ZNF695: variants seen among roughly 807,000 people sequenced by gnomAD.
The protein encoded by ZNF695 is zinc finger protein SBZF3.
A neutral mutation model predicts 11.2 loss-of-function variants in ZNF695; 11 were observed. The observed-to-expected ratio is 0.98, with a 90% CI of 0.62 to 1.62. The LOEUF is 1.62. ZNF695 is among the 40% of genes most tolerant of loss of function. The pLI is 0.00. For missense variants in ZNF695, 559 were observed against 590.5 expected, an observed-to-expected ratio of 0.95 and a Z score of 0.55; for synonymous variants, 190 against 201.4, an observed-to-expected ratio of 0.94 and a Z score of 0.48.
intron 5 of ZNF695, among the ~76,000 whole-genome samples, chr1:246,961,195 T>C (rs1423519905): frequency 6.6e-6 from 1 of 152,076 alleles, no homozygotes. Flanking sequence ...GCATCATCAG[T>C]TCAAAAATTA....
chr1:246,976,023 A>G (rs543904890), intron 4 of ZNF695, among the ~76,000 whole-genome samples: 7 of 152,350 alleles, frequency 4.6e-5, no homozygotes, highest in Admixed American at 2.0e-4. Context: ...CTTCCCAAGC[A>G]TAAGATGAAC....
At position 246,987,851 on chromosome 1, in the gene ZNF695, T is replaced by C. The variant is rs1311741384; in HGVS notation, c.664A>G (p.Asn222Asp). Residue 222 changes from asparagine (N) to aspartate (D), a missense_variant, in exon 4 of 4, where the codon AAT becomes GAT. Coordinates refer to ENST00000339986, the MANE Select transcript of ZNF695 (RefSeq NM_020394.5). ...YQCKKCGKAFNECSCFTDCKR... is the reference protein window; with the variant it reads ...YQCKKCGKAFDECSCFTDCKR... ...CAGTCAGTAAAGCATGAGCACTCAT[T>C]AAAGGCTTTGCCACATTTTTTACAT... 6.2e-7 allele frequency: 1 copy of C among 1,610,490 alleles called. No homozygotes were observed. Among genetic ancestry groups the C allele is most frequent in the East Asian group, 2.2e-5 (1 of 44,860 alleles).
chr1:246,979,067 G>C (rs1376887106), intron 4 of ZNF695, among the ~76,000 whole-genome samples: 1 of 152,150 alleles, frequency 6.6e-6, no homozygotes, highest in Non-Finnish European at 1.5e-5. Context: ...CAACAGTCAG[G>C]TACATATCCA....
rs565229384 is a variant in ZNF695, at chr1:246,986,845, G to A, written c.*122C>T. Reference sequence around the variant, plus strand: ...TAGTGCACTCAAAGGCTCATAGACTGTAAATGGCCTTTTGACAGTCATTAC... The same window carrying A: ...TAGTGCACTCAAAGGCTCATAGACTATAAATGGCCTTTTGACAGTCATTAC... On this transcript the variant is annotated 3_prime_UTR_variant, in exon 4 of 4. Coordinates refer to ENST00000339986, the MANE Select transcript of ZNF695 (RefSeq NM_020394.5). 2.4e-5 allele frequency: 34 copies of A among 1,444,518 alleles called. No homozygotes were observed. The highest frequency in any genetic ancestry group is 2.0e-4 in the South Asian group (13 of 64,214). The allele number at this position is 1,444,518 out of a possible 1,614,324, so 89.5% of individuals were successfully genotyped here.
intron 1 of ZNF695, among the ~76,000 whole-genome samples, chr1:247,005,676 A>C (rs1237644298): frequency 1.3e-5 from 2 of 152,068 alleles, no homozygotes; most frequent in Non-Finnish European, 2.9e-5. Flanking sequence ...AAACAAAACA[A>C]AACAAAACAA....
chr1:246,974,952 G>A (rs1436755399), intron 4 of ZNF695, among the ~76,000 whole-genome samples: 1 of 152,096 alleles, frequency 6.6e-6, no homozygotes, highest in Non-Finnish European at 1.5e-5. Flanking sequence ...TCTTTGTATG[G>A]CTGACTCCTT....
At chr1:247,003,245 A>G (rs1233686838) in intron 1 of ZNF695, among the ~76,000 whole-genome samples, 1 of 152,230 alleles carries the variant, frequency 6.6e-6, no homozygotes, top group Non-Finnish European at 1.5e-5. Flanking sequence ...AATAAATAAA[A>G]TGACATACAT....
chr1:246,975,058 T>C (rs773275428), intron 4 of ZNF695, among the ~76,000 whole-genome samples: 1 of 152,238 alleles, frequency 6.6e-6, no homozygotes, highest in Non-Finnish European at 1.5e-5. Flanking sequence ...TTTTATTTAC[T>C]TCATTCCATT....
intron 5 of ZNF695, among the ~76,000 whole-genome samples, chr1:246,959,143 C>T (rs1668083646): frequency 1.3e-5 from 2 of 149,766 alleles, no homozygotes; most frequent in Admixed American, 6.7e-5. Context: ...AAAAATTAGC[C>T]GGGCATGTAC....
At chr1:246,953,565 C>T (rs570707140) in intron 5 of ZNF695, among the ~76,000 whole-genome samples, 11 of 151,260 alleles carry the variant, frequency 7.3e-5, no homozygotes, top group Non-Finnish European at 1.5e-4. Flanking sequence ...GAGCCAAGAT[C>T]GCACCACTGC....
intron 1 of ZNF695, among the ~76,000 whole-genome samples, chr1:247,003,089 C>A (rs67880452): frequency 1.3e-5 from 2 of 152,060 alleles, no homozygotes; most frequent in Non-Finnish European, 2.9e-5. Context: ...GGCTGCCATT[C>A]GACCCAGCAA....
exon 5 of ZNF695, chr1:246,967,733 C>G (rs1304126872): frequency 1.8e-5 from 7 of 397,334 alleles, no homozygotes; most frequent in Admixed American, 3.1e-5. Context: ...TCTGGGGAGG[C>G]CTCAGGAAAC....
chr1:246,977,053 C>T (rs933707230), intron 4 of ZNF695, among the ~76,000 whole-genome samples: 1 of 152,178 alleles, frequency 6.6e-6, no homozygotes, highest in African/African-American at 2.4e-5. Context: ...TATTTTCTAT[C>T]ATTCCCAGTT....
In ZNF695 at chr1:246,988,145, A is replaced by C. The variant is rs375360603; in HGVS notation, c.370T>G (p.Leu124Val). ...CCCACAATTTCCCAGTCATTCCTTA[A>C]GCGTAATTTCTCAAGACAACATCTT... Reference protein sequence around the residue: ...YERCCLEKLRLRNDWEIVGEW... With the variant: ...YERCCLEKLRVRNDWEIVGEW... Residue 124 changes from leucine to valine, a missense_variant, in exon 4 of 4, where the codon TTA becomes GTA. Physicochemically the swap from Leu to Val is conservative, Grantham distance 32. Transcript: ENST00000339986. 1 of 1,613,826 alleles carries C rather than the reference A, an allele frequency of 6.2e-7. No individual in the cohort carries two copies. Among genetic ancestry groups the C allele is most frequent in the South Asian group, 1.1e-5 (1 of 91,032 alleles).
chr1:246,972,227 G>C (rs1277569924), intron 4 of ZNF695, among the ~76,000 whole-genome samples: 2 of 152,284 alleles, frequency 1.3e-5, no homozygotes, highest in East Asian at 3.9e-4. Context: ...AGGTCACCTG[G>C]TTACCAGAAA....
chr1:246,996,794 G>A (rs1041817685), intron 3 of ZNF695, among the ~76,000 whole-genome samples: 2 of 152,102 alleles, frequency 1.3e-5, no homozygotes, highest in African/African-American at 2.4e-5. Context: ...GAGACTGTAC[G>A]AATCCATTTA....
At chr1:246,960,557 C>T (rs1320978990) in intron 5 of ZNF695, among the ~76,000 whole-genome samples, 1 of 152,352 alleles carries the variant, frequency 6.6e-6, no homozygotes, top group African/African-American at 2.4e-5. Context: ...ACAAGACCTA[C>T]TTGGCCATGC....
chr1:247,001,358 T>TCAAGACCAGCCTCAGCAACATAG lies in ZNF695; in HGVS notation c.4-1307_4-1285dup, dbSNP rs1669375067. On this transcript the variant is annotated intron_variant, in intron 1 of 3. Transcript: ENST00000339986. ...GGGAGACTCACTTGAACCTAGGATT[T>TCAAGACCAGCCTCAGCAACATAG]CAAGACCAGCCTCAGCAACATAGCA... Among the ~76,000 whole-genome samples, 6 of 151,764 alleles carry TCAAGACCAGCCTCAGCAACATAG rather than the reference T, an allele frequency of 4.0e-5. No individual in the cohort carries two copies. The South Asian group carries it at 1.2e-3, about 32-fold the overall frequency.
chr1:246,972,792 G>A (rs2103013364), intron 4 of ZNF695, among the ~76,000 whole-genome samples: 1 of 151,954 alleles, frequency 6.6e-6, no homozygotes, highest in Non-Finnish European at 1.5e-5. Context: ...TGCTGGGATT[G>A]CAGGCGTGAG....
Sources: gnomAD v4.1 joint callset for allele counts (sites outside exome capture counted in the v4.1 genomes callset) on GRCh38, gnomAD v4.1.1 for gene constraint, MANE v1.5 for transcripts, NCBI Gene and HGNC (gene_info 2026-07-23, HGNC 2026-07-21) for gene names.